Variants in SVBP observed in about 807,000 individuals in gnomAD.
SVBP encodes small vasohibin binding protein.
In SVBP, 9 loss-of-function variants were observed where a neutral mutation model predicts 9.2. The observed-to-expected ratio is 0.98, with a 90% CI of 0.59 to 1.71. The LOEUF is 1.71. Among genes scored for constraint, SVBP ranks in the 40% most tolerant of loss-of-function variants. SVBP has a pLI of 0.00. For missense variants in SVBP, 63 were observed against 73.2 expected (o/e 0.86, Z 0.51); for synonymous variants, 27 against 23.9 (o/e 1.13, Z -0.37).
At chr1:42,811,251 C>T (rs1323571117) in intron 2 of SVBP, among the ~76,000 whole-genome samples, 1 of 152,210 alleles carries the variant, frequency 6.6e-6, no homozygotes, top group African/African-American at 2.4e-5. Context: ...GACCACAGGC[C>T]TGCCCCTCTT....
In SVBP at chr1:42,817,336, G is replaced by A; in HGVS notation, c.-183C>T. On this transcript the variant is annotated 5_prime_UTR_variant, in exon 1 of 3. Transcript: ENST00000372521. ...TCCTGGGCGGGGCCGCGCGCCGGGG[G>A]GAGGGGCGCAGGGCCGAGCGCCAGG... 2 of 1,018,964 alleles carry A rather than the reference G, an allele frequency of 2.0e-6. No individual in the cohort carries two copies. Among genetic ancestry groups the A allele is most frequent in the Non-Finnish European group, 2.5e-6 (2 of 790,160 alleles). The allele number at this position is 1,018,964 out of a possible 1,614,324, so 63.1% of individuals were successfully genotyped here.
At chr1:42,808,961 T>G (rs1654025191) in intron 2 of SVBP, 1 of 152,470 alleles carries the variant, frequency 6.6e-6, no homozygotes, top group African/African-American at 2.4e-5. Context: ...CCTCCCAAAG[T>G]GCTGGGATTA....
At chr1:42,813,185 T>C (rs1391881152) in intron 2 of SVBP, among the ~76,000 whole-genome samples, 3 of 152,238 alleles carry the variant, frequency 2.0e-5, no homozygotes, top group Non-Finnish European at 4.4e-5. Context: ...TGAAAATTAT[T>C]AGGAAAGCTA....
chr1:42,811,920 GT>G (rs970306846), intron 2 of SVBP, among the ~76,000 whole-genome samples: 7 of 151,530 alleles, frequency 4.6e-5, no homozygotes, highest in African/African-American at 9.7e-5. Context: ...TCATAGGGCT[GT>G]TTTTTTTAAA....
rs1185218401 is a variant in SVBP, at chr1:42,807,424, G to A, written c.191C>T (p.Pro64Leu). The change falls in exon 3 of 3, where the codon CCT (proline) becomes CTT (leucine). Residue 64 changes from proline (P) to leucine (L), a missense_variant. By Grantham distance (98) the Pro-to-Leu change is moderately conservative. Transcript: ENST00000372521. ...TTTGAACCTGGGGCCTCATTCTCCA[G>A]GAGGCTGCATCTGTTTACAGAACTC... ...FDEFCKQMQP[P>L]GE The A allele has an allele frequency of 2.5e-6, 4 of 1,613,520 alleles. No individual in the cohort carries two copies. The highest frequency in any genetic ancestry group is 3.4e-6 in the Non-Finnish European group (4 of 1,179,486).
rs1557600735 is a variant in SVBP at position 42,816,516 on chromosome 1, G to T, written c.29C>A (p.Thr10Asn). ...TCTGCTGACAGATTCTTTAACTTTG[G>T]TTTTTTCTTTACGTGCAGGTGGATC... MDPPARKEK[T>N]KVKESVSRVE... is the part of the protein sequence containing the mutation. Residue 10 changes from threonine (T) to asparagine (N), a missense_variant, in exon 2 of 3, where the codon ACC (threonine) becomes AAC (asparagine). Thr to Asn is a moderately conservative substitution (Grantham distance 65). Coordinates refer to ENST00000372521, the MANE Select transcript of SVBP (RefSeq NM_199342.4). 3.1e-6 allele frequency: 5 copies of T among 1,613,858 alleles called. No individual in the cohort carries two copies. The highest frequency in any genetic ancestry group is 1.3e-5 in the African/African-American group (1 of 74,888).
At chr1:42,814,010 G>A (rs766717174) in intron 2 of SVBP, 8 of 181,732 alleles carry the variant, frequency 4.4e-5, no homozygotes, top group Non-Finnish European at 9.2e-5. Flanking sequence ...GATCCATGAA[G>A]GCAGGGATTC....
intron 2 of SVBP, among the ~76,000 whole-genome samples, chr1:42,814,247 A>T (rs1303522672): frequency 6.8e-6 from 1 of 147,190 alleles, no homozygotes; most frequent in African/African-American, 2.5e-5. Context: ...CGCCCAGCTA[A>T]TTTTTTTTTT....
At chr1:42,808,101 A>AAAGAT (rs1367900732) in intron 2 of SVBP, among the ~76,000 whole-genome samples, 3 of 145,346 alleles carry the variant, frequency 2.1e-5, no homozygotes, top group Middle Eastern at 3.5e-3. Context: ...GAGAGCCAGC[A>AAAGAT]AAGATAAGTG....
intron 2 of SVBP, among the ~76,000 whole-genome samples, chr1:42,811,196 A>AG (rs1654077515): frequency 1.3e-5 from 2 of 151,494 alleles, no homozygotes; most frequent in Middle Eastern, 3.4e-3. Context: ...AGGCAGCTGT[A>AG]GGGGGCAAGG....
At chr1:42,813,769 T>C in intron 2 of SVBP, 1 of 519,318 alleles carries the variant, frequency 1.9e-6, no homozygotes, top group Non-Finnish European at 3.9e-6. Flanking sequence ...CTGTAGCTTC[T>C]GTTCTCCTGC....
At chr1:42,808,577 T>C (rs1466856750) in intron 2 of SVBP, among the ~76,000 whole-genome samples, 1 of 147,536 alleles carries the variant, frequency 6.8e-6, no homozygotes, top group Admixed American at 6.8e-5. Flanking sequence ...ATATATACTA[T>C]ATAGTATATA....
chr1:42,813,395 C>T, intron 2 of SVBP: 2 of 540,852 alleles, frequency 3.7e-6, no homozygotes, highest in South Asian at 1.5e-5. Flanking sequence ...GTTTGAACAC[C>T]ATCTACCTGA....
In SVBP at chr1:42,816,481, CCTT is replaced by C; in HGVS notation, c.61_63del (p.Lys21del). The C allele has an allele frequency of 6.2e-7, 1 of 1,614,100 alleles. No homozygotes were observed. Among genetic ancestry groups the C allele is most frequent in the South Asian group, 1.1e-5 (1 of 91,078 alleles). Reference sequence around the variant, plus strand: ...TCCTGCTGGGCTGATTTCTGTTTGGCCTTCTCAACTCTGCTGACAGATTCTTTA... The same window carrying C: ...TCCTGCTGGGCTGATTTCTGTTTGGCCTCAACTCTGCTGACAGATTCTTTA... On this transcript the variant is annotated inframe_deletion, in exon 2 of 3. Transcript: ENST00000372521.
At chr1:42,816,804 T>G (rs1320238727) in intron 1 of SVBP, 1 of 426,822 alleles carries the variant, frequency 2.3e-6, no homozygotes, top group Admixed American at 4.1e-5. Flanking sequence ...GCCTTAGTTT[T>G]CTGTCTGCAA....
chr1:42,811,154 C>CACCA (rs1481564714), intron 2 of SVBP, among the ~76,000 whole-genome samples: 4 of 151,836 alleles, frequency 2.6e-5, no homozygotes, highest in African/African-American at 4.8e-5. Flanking sequence ...AAAACAAAAA[C>CACCA]ACCAACCAAC....
At chr1:42,808,414 T>C (rs146811818) in intron 2 of SVBP, among the ~76,000 whole-genome samples, 127 of 145,382 alleles carry the variant, frequency 8.7e-4, no homozygotes, top group Admixed American at 2.0e-3. Flanking sequence ...AAGCTATATA[T>C]ACTGTATACA....
At chr1:42,816,968 T>C (rs1273376805) in intron 1 of SVBP, 1 of 179,484 alleles carries the variant, frequency 5.6e-6, no homozygotes, top group East Asian at 1.9e-4. Flanking sequence ...GCGCCCAGGG[T>C]TTTCCCACTG....
At chr1:42,810,868 G>A (rs1260906228) in intron 2 of SVBP, among the ~76,000 whole-genome samples, 1 of 152,012 alleles carries the variant, frequency 6.6e-6, no homozygotes, top group Non-Finnish European at 1.5e-5. Flanking sequence ...GGATAGGCGC[G>A]GCGGCTCACA....
Sources: allele counts gnomAD v4.1 joint callset (sites outside exome capture counted in the v4.1 genomes callset), GRCh38; gene constraint gnomAD v4.1.1; transcripts MANE v1.5; gene names NCBI Gene and HGNC (gene_info 2026-07-23, HGNC 2026-07-21).